Variants in KCNJ6 observed in about 807,000 individuals in gnomAD.
KCNJ6 encodes potassium inwardly rectifying channel subfamily J member 6.
In KCNJ6, 9 loss-of-function variants were observed where a neutral mutation model predicts 34.2. That is an observed-to-expected ratio of 0.26 (90% CI 0.16 to 0.46). The LOEUF is 0.46. Ranked by LOEUF, KCNJ6 falls within the 20% of genes least tolerant of loss-of-function variation. KCNJ6 has a pLI of 1.00. For synonymous variants in KCNJ6, 196 were observed against 207.1 expected, an observed-to-expected ratio of 0.95 and a Z score of 0.46; for missense variants, 236 against 531.3, an observed-to-expected ratio of 0.44 and a Z score of 5.46.
chr21:37,791,628 T>C (rs1241630709), intron 2 of KCNJ6, among the ~76,000 whole-genome samples: 6 of 152,240 alleles, frequency 3.9e-5, no homozygotes, highest in African/African-American at 9.6e-5. Context: ...CATAGCTGTC[T>C]GATATTTGAA....
chr21:37,662,736 A>T (rs926207775), intron 3 of KCNJ6, among the ~76,000 whole-genome samples: 1 of 152,162 alleles, frequency 6.6e-6, no homozygotes, highest in African/African-American at 2.4e-5. Context: ...CAGTGTAAAA[A>T]CATTCCTATT....
At chr21:37,790,335 G>A (rs960506530) in intron 2 of KCNJ6, among the ~76,000 whole-genome samples, 17 of 152,214 alleles carry the variant, frequency 1.1e-4, no homozygotes, top group African/African-American at 4.1e-4. Flanking sequence ...AAAGCAGGCA[G>A]TAGGGGGGCA....
intron 3 of KCNJ6, among the ~76,000 whole-genome samples, chr21:37,665,955 GA>G (rs1395659451): frequency 1.3e-5 from 2 of 152,162 alleles, no homozygotes; most frequent in Non-Finnish European, 2.9e-5. Context: ...GATGCAGGTA[GA>G]AAAAGGAGCC....
At position 37,624,967 on chromosome 21, in the gene KCNJ6, T is replaced by C; in HGVS notation, c.*192A>G. The C allele has an allele frequency of 3.3e-6, 2 of 597,850 alleles. No homozygotes were observed. The highest frequency in any genetic ancestry group is 4.3e-5 in the South Asian group (2 of 46,946). The allele number at this position is 597,850 out of a possible 1,614,324, so 37.0% of individuals were successfully genotyped here. On this transcript the variant is annotated 3_prime_UTR_variant, in exon 4 of 4. Transcript: ENST00000609713. ...TTTGCACTTTCATCAAATCCATGTC[T>C]ACCTTGTCAATCTGAATAACTGAGA...
chr21:37,705,164 C>G (rs1175612791), intron 3 of KCNJ6, among the ~76,000 whole-genome samples: 1 of 152,154 alleles, frequency 6.6e-6, no homozygotes, highest in African/African-American at 2.4e-5. Flanking sequence ...GTTGTCGGTG[C>G]ATTAATGAAC....
At position 37,608,253 on chromosome 21, in the gene KCNJ6, G is replaced by A. The variant is rs527957325; in HGVS notation, c.*16906C>T. 1.3e-5 allele frequency: 2 copies of A among 151,748 alleles called. No individual in the cohort carries two copies. Among genetic ancestry groups the A allele is most frequent in the East Asian group, 1.9e-4 (1 of 5,174 alleles). The allele number at this position is 151,748 out of a possible 1,614,324, so 9.4% of individuals were successfully genotyped here. A position where few individuals can be genotyped will look rare whatever the true frequency, so the allele number is the denominator to read the frequency against. ...AGGTACCATCCCCCAATCTTACCTTGTGTGTTTCTGTTTTAAGACCCTCTC... is the reference window on the plus strand; with the variant it reads ...AGGTACCATCCCCCAATCTTACCTTATGTGTTTCTGTTTTAAGACCCTCTC... On this transcript the variant is annotated 3_prime_UTR_variant, in exon 4 of 4. Transcript: ENST00000609713.
In KCNJ6 at chr21:37,878,171, T is replaced by A. The variant is rs541813022; in HGVS notation, c.-27-37462A>T. On this transcript the variant is annotated intron_variant, in intron 1 of 3. Coordinates refer to ENST00000609713, the MANE Select transcript of KCNJ6 (RefSeq NM_002240.5). ...GGAGAAAACACAGTAAAATGCTAGT[T>A]TCAAAATAAGTAATCTTCAAGCATA... Among the ~76,000 whole-genome samples, 33 of 152,308 alleles carry A rather than the reference T, an allele frequency of 2.2e-4. 1 individual carries two copies. The highest frequency in any genetic ancestry group is 7.7e-4 in the African/African-American group (32 of 41,576).
At chr21:37,696,380 C>G (rs927314293) in intron 3 of KCNJ6, among the ~76,000 whole-genome samples, 1 of 152,268 alleles carries the variant, frequency 6.6e-6, no homozygotes, top group Admixed American at 6.5e-5. Context: ...ATATAATGCA[C>G]TGGGAGGGAC....
intron 1 of KCNJ6, among the ~76,000 whole-genome samples, chr21:37,851,279 T>C (rs1411355955): frequency 6.6e-6 from 1 of 152,186 alleles, no homozygotes; most frequent in South Asian, 2.1e-4. Flanking sequence ...GTCCCAGTTA[T>C]TGGAATAACC....
chr21:37,797,362 T>C (rs961406632), intron 2 of KCNJ6, among the ~76,000 whole-genome samples: 4 of 152,320 alleles, frequency 2.6e-5, no homozygotes, highest in Admixed American at 6.5e-5. Context: ...TTTTGTGTCT[T>C]TTTGTAGTTA....
intron 3 of KCNJ6, among the ~76,000 whole-genome samples, chr21:37,660,774 C>T (rs1388037626): frequency 6.6e-6 from 1 of 152,214 alleles, no homozygotes; most frequent in Non-Finnish European, 1.5e-5. Context: ...GCGGGCCAGG[C>T]ACTGCACCAG....
intron 2 of KCNJ6, among the ~76,000 whole-genome samples, chr21:37,782,258 G>T (rs1268941658): frequency 2.6e-5 from 4 of 152,174 alleles, no homozygotes; most frequent in Non-Finnish European, 5.9e-5. Flanking sequence ...CAGAAGGAAT[G>T]CTGGCCCTAC....
In KCNJ6 at chr21:37,833,620, A is replaced by G. The variant is rs531423446; in HGVS notation, c.25+7038T>C. 3.9e-5 allele frequency among the ~76,000 whole-genome samples: 6 copies of G among 152,258 alleles called. No individual in the cohort carries two copies. The East Asian group carries it at 1.2e-3, about 29-fold the overall frequency. On this transcript the variant is annotated intron_variant, in intron 2 of 3. Transcript: ENST00000609713. Reference sequence around the variant, plus strand: ...GTCCCAGGGTGACCCTAACATGTCCAGTTCATGGCTGACCAGTGTGGACAA... The same window carrying G: ...GTCCCAGGGTGACCCTAACATGTCCGGTTCATGGCTGACCAGTGTGGACAA...
At chr21:37,754,320 G>A (rs926535448) in intron 2 of KCNJ6, among the ~76,000 whole-genome samples, 5 of 152,126 alleles carry the variant, frequency 3.3e-5, no homozygotes, top group African/African-American at 9.7e-5. Context: ...AAATGCAACC[G>A]ACTTTCTAAG....
chr21:37,661,640 T>TTTTTTTTTTG (rs2054489618), intron 3 of KCNJ6, among the ~76,000 whole-genome samples: 1 of 132,276 alleles, frequency 7.6e-6, no homozygotes, highest in African/African-American at 3.1e-5. Flanking sequence ...TTTTTTTTTT[T>TTTTTTTTTTG]GAGACTGGAG....
At chr21:37,844,965 C>T (rs2055499110) in intron 1 of KCNJ6, among the ~76,000 whole-genome samples, 1 of 152,232 alleles carries the variant, frequency 6.6e-6, no homozygotes, top group South Asian at 2.1e-4. Flanking sequence ...AAGCCCTGAC[C>T]ACTAAACCTC....
At chr21:37,900,022 T>C (rs1342256875) in intron 1 of KCNJ6, among the ~76,000 whole-genome samples, 1 of 152,206 alleles carries the variant, frequency 6.6e-6, no homozygotes, top group Non-Finnish European at 1.5e-5. Context: ...TCAAATCAGA[T>C]TGCTTCTGTG....
chr21:37,698,977 G>A (rs751671242), intron 3 of KCNJ6, among the ~76,000 whole-genome samples: 1 of 152,100 alleles, frequency 6.6e-6, no homozygotes, highest in Non-Finnish European at 1.5e-5. Flanking sequence ...GGGATTTCAG[G>A]TGTAAGCCAC....
intron 3 of KCNJ6, among the ~76,000 whole-genome samples, chr21:37,677,143 A>G (rs961943239): frequency 6.6e-6 from 1 of 152,200 alleles, no homozygotes; most frequent in Admixed American, 6.5e-5. Context: ...CTGGCCTTGG[A>G]CTGCAGGACT....
Sources: gnomAD v4.1 joint callset for allele counts (sites outside exome capture counted in the v4.1 genomes callset) on GRCh38, gnomAD v4.1.1 for gene constraint, MANE v1.5 for transcripts, NCBI Gene and HGNC (gene_info 2026-07-23, HGNC 2026-07-21) for gene names.